EPHA3: variants seen among roughly 807,000 people sequenced by gnomAD.
The protein encoded by EPHA3 is EPH receptor A3.
In EPHA3, 42 loss-of-function variants were observed where a neutral mutation model predicts 107.1. The ratio of observed to expected loss-of-function variants is 0.39; its 90% CI spans 0.31 to 0.51. The LOEUF (loss-of-function observed/expected upper bound fraction) is 0.51, where lower values mean the gene tolerates loss of function less well. Among genes scored for constraint, EPHA3 ranks in the 20% least tolerant of loss-of-function variants. The pLI is 0.78. For synonymous variants in EPHA3, 461 were observed against 424.8 expected (o/e 1.09, Z -1.05); for missense variants, 1,183 against 1,211.2 (o/e 0.98, Z 0.35).
intron 3 of EPHA3, among the ~76,000 whole-genome samples, chr3:89,332,161 C>T (rs555927897): frequency 1.6e-4 from 24 of 152,238 alleles, no homozygotes; most frequent in East Asian, 1.2e-3. Flanking sequence ...TCATGAAGAA[C>T]GGAAAACCCA....
At chr3:89,372,553 A>G (rs1194417491) in intron 5 of EPHA3, among the ~76,000 whole-genome samples, 6 of 151,754 alleles carry the variant, frequency 4.0e-5, no homozygotes. Context: ...CACTGTCTGG[A>G]TGTTGGTTTT....
At chr3:89,408,259 A>G (rs887367823) in intron 9 of EPHA3, 128 bp downstream of exon 9, 3 of 796,662 alleles carry the variant, frequency 3.8e-6, no homozygotes, top group African/African-American at 1.8e-5. Context: ...AACTGAGTAC[A>G]TTAAATTTAT....
intron 3 of EPHA3, among the ~76,000 whole-genome samples, chr3:89,275,122 A>T (rs575526801): frequency 3.9e-5 from 6 of 152,154 alleles, no homozygotes; most frequent in African/African-American, 1.4e-4. Flanking sequence ...AGGCTGAGTG[A>T]TTCCAAAGTC....
chr3:89,308,607 T>C (rs1320513116), intron 3 of EPHA3, among the ~76,000 whole-genome samples: 1 of 152,026 alleles, frequency 6.6e-6, no homozygotes, highest in Non-Finnish European at 1.5e-5. Context: ...AGGGAATTTT[T>C]TTTTTTTTTT....
chr3:89,440,927 T>C (rs780159440), intron 13 of EPHA3, among the ~76,000 whole-genome samples: 27 of 152,214 alleles, frequency 1.8e-4, no homozygotes, highest in Non-Finnish European at 3.5e-4. Context: ...ACATTGAAAA[T>C]GTCAGCATCC....
At chr3:89,173,501 T>C (rs1705253274) in intron 2 of EPHA3, among the ~76,000 whole-genome samples, 1 of 152,072 alleles carries the variant, frequency 6.6e-6, no homozygotes, top group Non-Finnish European at 1.5e-5. Context: ...GAAAGTTTCA[T>C]ATTACTTAGT....
chr3:89,292,368 G>T (rs1387161941), intron 3 of EPHA3, among the ~76,000 whole-genome samples: 1 of 152,112 alleles, frequency 6.6e-6, no homozygotes, highest in Non-Finnish European at 1.5e-5. Context: ...GTATACAAGA[G>T]AATGTGCGGA....
intron 1 of EPHA3, among the ~76,000 whole-genome samples, chr3:89,124,773 T>C (rs1704054894): frequency 6.6e-6 from 1 of 152,010 alleles, no homozygotes; most frequent in Admixed American, 6.6e-5. Flanking sequence ...GACAATAGAA[T>C]CAGTCAGAAG....
chr3:89,395,466 C>T (rs542895070), intron 5 of EPHA3, among the ~76,000 whole-genome samples: 5 of 152,262 alleles, frequency 3.3e-5, no homozygotes, highest in Non-Finnish European at 7.4e-5. Context: ...AACTTTGCAA[C>T]ATTATAACAA....
intron 2 of EPHA3, among the ~76,000 whole-genome samples, chr3:89,134,623 G>A (rs1395338876): frequency 1.3e-5 from 2 of 151,972 alleles, no homozygotes; most frequent in Non-Finnish European, 2.9e-5. Flanking sequence ...ATCATTGTTC[G>A]ACATTTGGGT....
intron 16 of EPHA3, among the ~76,000 whole-genome samples, chr3:89,474,262 T>TA (rs1710462940): frequency 1.3e-5 from 2 of 152,106 alleles, no homozygotes; most frequent in South Asian, 2.1e-4. Flanking sequence ...GGACTTGTTC[T>TA]AAAAAAATAA....
In EPHA3 at chr3:89,395,975, G is replaced by A; in HGVS notation, c.1431+14G>A. The A allele has an allele frequency of 6.2e-7, 1 of 1,613,334 alleles. No homozygotes were observed. The highest frequency in any genetic ancestry group is 8.5e-7 in the Non-Finnish European group (1 of 1,179,592). ...TACTATGAAAAGGTGGGGAAACAAT[G>A]TTTAAGGGTTGGGCTGTGTAGGCAA... On this transcript the variant is annotated intron_variant, in intron 6 of 16. Transcript: ENST00000336596.
At position 89,134,228 on chromosome 3, in the gene EPHA3, A is replaced by ATTTT. The variant is rs1559746542; in HGVS notation, c.153+6955_153+6956insTTTT. Among the ~76,000 whole-genome samples, 709 of 150,794 alleles carry ATTTT rather than the reference A, an allele frequency of 4.7e-3. 7 individuals are homozygous for ATTTT. Among genetic ancestry groups the ATTTT allele is most frequent in the African/African-American group, 0.016 (646 of 41,014 alleles). ...TCAACTTTCTTTTTTTTTTTTTAAAAAAATTATACTTTAAGTTCTAGGGTA... is the reference window on the plus strand; with the variant it reads ...TCAACTTTCTTTTTTTTTTTTTAAAATTTTAAATTATACTTTAAGTTCTAGGGTA... On this transcript the variant is annotated intron_variant, in intron 2 of 16. Transcript: ENST00000336596.
chr3:89,171,873 G>A (rs1245984307), intron 2 of EPHA3, among the ~76,000 whole-genome samples: 3 of 152,124 alleles, frequency 2.0e-5, no homozygotes, highest in Admixed American at 1.3e-4. Context: ...TGTGCCTATC[G>A]TTGATAACAT....
At chr3:89,182,818 C>T (rs1705474229) in intron 2 of EPHA3, among the ~76,000 whole-genome samples, 2 of 151,592 alleles carry the variant, frequency 1.3e-5, no homozygotes, top group Non-Finnish European at 3.0e-5. Context: ...TGAAAGAGAA[C>T]ATTAAAAAAA....
chr3:89,394,424 T>C (rs1708808075), intron 5 of EPHA3, among the ~76,000 whole-genome samples: 1 of 152,112 alleles, frequency 6.6e-6, no homozygotes, highest in African/African-American at 2.4e-5. Context: ...AAAGATTAAG[T>C]CATCATTCCC....
chr3:89,412,382 C>G (rs539325959), intron 9 of EPHA3, among the ~76,000 whole-genome samples: 1 of 151,316 alleles, frequency 6.6e-6, no homozygotes, highest in Non-Finnish European at 1.5e-5. Flanking sequence ...ATATGACTTA[C>G]GTTTGGAACT....
chr3:89,334,614 T>G (rs2107405169), intron 3 of EPHA3, among the ~76,000 whole-genome samples: 1 of 152,316 alleles, frequency 6.6e-6, no homozygotes, highest in Admixed American at 6.5e-5. Context: ...AAAATTCATC[T>G]CATTCACTGC....
intron 2 of EPHA3, among the ~76,000 whole-genome samples, chr3:89,185,439 G>A (rs1705541508): frequency 6.6e-6 from 1 of 151,976 alleles, no homozygotes; most frequent in African/African-American, 2.4e-5. Context: ...GTAGTTGAGA[G>A]AATAGATCTC....
Sources: gnomAD v4.1 joint callset for allele counts (sites outside exome capture counted in the v4.1 genomes callset) on GRCh38, gnomAD v4.1.1 for gene constraint, MANE v1.5 for transcripts, NCBI Gene and HGNC (gene_info 2026-07-23, HGNC 2026-07-21) for gene names.